Variants in TLR2 observed in about 807,000 individuals in gnomAD.
The protein encoded by TLR2 is toll like receptor 2.
In TLR2, 7 loss-of-function variants were observed where a neutral mutation model predicts 9.1. That is an observed-to-expected ratio of 0.77 (90% CI 0.44 to 1.44). TLR2 has a LOEUF of 1.44. TLR2 is among the 40% of genes most tolerant of loss of function. The probability of loss-of-function intolerance (pLI) is 0.01; values close to 1 mark genes in which losing one functional copy is unlikely to be tolerated. For missense variants in TLR2, 812 were observed against 904.6 expected, an observed-to-expected ratio of 0.90 and a Z score of 1.31; for synonymous variants, 317 against 344.6, an observed-to-expected ratio of 0.92 and a Z score of 0.89.
chr4:153,700,004 T>C (rs1736773715), intron 2 of TLR2, among the ~76,000 whole-genome samples: 1 of 152,144 alleles, frequency 6.6e-6, no homozygotes. Context: ...GGCACTAGCA[T>C]CTGTTTGACC....
downstream of TLR2, among the ~76,000 whole-genome samples, chr4:153,709,487 C>T (rs1199770496): frequency 1.3e-5 from 2 of 152,118 alleles, no homozygotes; most frequent in African/African-American, 2.4e-5. Context: ...AATTTTGTTC[C>T]CTTCTGCCAG....
chr4:153,692,471 A>C (rs1036806266), intron 2 of TLR2, among the ~76,000 whole-genome samples: 2 of 152,200 alleles, frequency 1.3e-5, no homozygotes, highest in African/African-American at 4.8e-5. Flanking sequence ...AAATTGGCTT[A>C]TCTGTTAACC....
downstream of TLR2, among the ~76,000 whole-genome samples, chr4:153,707,700 C>T (rs951204331): frequency 2.6e-5 from 4 of 152,158 alleles, no homozygotes; most frequent in Admixed American, 2.0e-4. Flanking sequence ...AACATTGACT[C>T]GATCTATGTT....
chr4:153,707,226 A>G (rs1377546251), downstream of TLR2, among the ~76,000 whole-genome samples: 1 of 152,142 alleles, frequency 6.6e-6, no homozygotes, highest in African/African-American at 2.4e-5. Flanking sequence ...GCTGTTTCAC[A>G]CGACCTCCCA....
intron 1 of TLR2, among the ~76,000 whole-genome samples, chr4:153,686,539 T>C (rs1260971860): frequency 6.6e-6 from 1 of 152,058 alleles, no homozygotes; most frequent in Non-Finnish European, 1.5e-5. Flanking sequence ...CAACCATTTA[T>C]CAAAAGAAAG....
At chr4:153,699,652 A>G (rs910994727) in intron 2 of TLR2, among the ~76,000 whole-genome samples, 8 of 152,192 alleles carry the variant, frequency 5.3e-5, no homozygotes, top group Non-Finnish European at 1.0e-4. Flanking sequence ...CACTGTGTAT[A>G]ATAGCTAATA....
Position 153,703,968 on chromosome 4 carries a change from T to A in TLR2, c.1061T>A (p.Leu354Ter), listed in dbSNP as rs768396504. The change falls in exon 3 of 3, where the codon TTA becomes TAA. Residue 354 changes from leucine (L) to a stop codon, truncating the protein, a stop_gained. Coordinates refer to ENST00000642700, the MANE Select transcript of TLR2 (RefSeq NM_001318789.2). LOFTEE classifies it low-confidence loss of function (END_TRUNC). ...ENSKVFLVPC[L>*]LSQHLKSLEY... is the part of the protein sequence containing the mutation. ...AGTAAAGTTTTTCTGGTTCCTTGTT[T>A]ACTTTCACAACATTTAAAATCATTA... The A allele has an allele frequency of 1.9e-6, 3 of 1,611,788 alleles. No homozygotes were observed. In the South Asian group the frequency reaches 3.3e-5, roughly 18 times the overall value.
In TLR2 at chr4:153,705,203, A is replaced by G. The variant is rs182578104; in HGVS notation, c.2296A>G (p.Met766Val). The change falls in exon 3 of 3, where the codon ATG becomes GTG. Residue 766 changes from methionine (M) to valine (V), a missense_variant. Coordinates refer to ENST00000642700, the MANE Select transcript of TLR2 (RefSeq NM_001318789.2). ...MNTKTYLEWP[M>V]DEAQREGFWV... ...CACCAAGACCTACCTGGAGTGGCCC[A>G]TGGACGAGGCTCAGCGGGAAGGATT... 8.7e-5 allele frequency: 141 copies of G among 1,611,610 alleles called. No individual in the cohort carries two copies. The African/African-American group carries it at 1.6e-3, about 18-fold the overall frequency.
At position 153,703,513 on chromosome 4, in the gene TLR2, T is replaced by C; in HGVS notation, c.606T>C (p.His202=). Residue 202 remains histidine, a synonymous_variant, in exon 3 of 3, where the codon CAT becomes CAC. Transcript: ENST00000642700. ...TGAAGTCAATTCAGAATGTAAGTCA[T>C]CTGATCCTTCATATGAAGCAGCATA... ...KSLKSIQNVS[H]LILHMKQHIL... 6.2e-7 allele frequency: 1 copy of C among 1,613,962 alleles called. No individual in the cohort carries two copies. Among genetic ancestry groups the C allele is most frequent in the Middle Eastern group, 1.6e-4 (1 of 6,062 alleles).
intron 2 of TLR2, among the ~76,000 whole-genome samples, chr4:153,700,344 A>G (rs1044715683): frequency 3.3e-5 from 5 of 152,222 alleles, no homozygotes; most frequent in African/African-American, 9.6e-5. Context: ...ATGTTTTTAA[A>G]GTATCGAATA....
At chr4:153,702,761 TTTGTG>T (rs1736989903) in intron 2 of TLR2, 126 bp from the exon 3 acceptor site, 231 of 537,486 alleles carry the variant, frequency 4.3e-4, no homozygotes, top group East Asian at 5.5e-4. Flanking sequence ...TCTCTCTCTC[TTTGTG>T]TGTGTGTGTG....
intron 1 of TLR2, among the ~76,000 whole-genome samples, chr4:153,685,189 G>A (rs72731633): frequency 0.089 from 13,521 of 152,290 alleles, 788 homozygotes; most frequent in Non-Finnish European, 0.12. Context: ...AACTTACAGC[G>A]TTTAAGCAAA....
At position 153,702,876 on chromosome 4, in the gene TLR2, C is replaced by A. The variant is rs757238850; in HGVS notation, c.-16-16C>A. On this transcript the variant is annotated splice_polypyrimidine_tract_variant and intron_variant, in intron 2 of 2. Coordinates refer to ENST00000642700, the MANE Select transcript of TLR2 (RefSeq NM_001318789.2). ...TGTCAAACACAATGACTTATTTGAACCTCTTTTATTTGTAGGTTGAAGCAC... is the reference window on the plus strand; with the variant it reads ...TGTCAAACACAATGACTTATTTGAAACTCTTTTATTTGTAGGTTGAAGCAC... 8.7e-6 allele frequency: 13 copies of A among 1,499,294 alleles called. No homozygotes were observed. 92.9% of individuals were successfully genotyped at this position (1,499,294 alleles called of 1,614,324 possible). A position where few individuals can be genotyped will look rare whatever the true frequency, so the allele number is the denominator to read the frequency against.
In TLR2 at chr4:153,703,137, A is replaced by C. The variant is rs1262735316; in HGVS notation, c.230A>C (p.Asn77Thr). Residue 77 changes from asparagine (N) to threonine (T), a missense_variant, in exon 3 of 3, where the codon AAC becomes ACC. Asn to Thr is a moderately conservative substitution (Grantham distance 65). Coordinates refer to ENST00000642700, the MANE Select transcript of TLR2 (RefSeq NM_001318789.2). ...ISNSDLQRCV[N>T]LQALVLTSNG... is the part of the protein sequence containing the mutation. ...AACAGTGACCTACAGAGGTGTGTGAACCTCCAGGCTCTGGTGCTGACATCC... is the reference window on the plus strand; with the variant it reads ...AACAGTGACCTACAGAGGTGTGTGACCCTCCAGGCTCTGGTGCTGACATCC... 2.5e-6 allele frequency: 4 copies of C among 1,613,912 alleles called. No homozygotes were observed. Among genetic ancestry groups the C allele is most frequent in the Non-Finnish European group, 3.4e-6 (4 of 1,180,004 alleles).
At chr4:153,686,685 T>A (rs972574401) in intron 1 of TLR2, among the ~76,000 whole-genome samples, 1 of 151,976 alleles carries the variant, frequency 6.6e-6, no homozygotes, top group African/African-American at 2.4e-5. Context: ...ATAACAACAT[T>A]AAGAAACTAG....
At chr4:153,685,916 A>G (rs1735669923) in intron 1 of TLR2, among the ~76,000 whole-genome samples, 1 of 152,200 alleles carries the variant, frequency 6.6e-6, no homozygotes, top group Admixed American at 6.5e-5. Context: ...AAGAACAGAA[A>G]TTTATCCATT....
At position 153,704,246 on chromosome 4, in the gene TLR2, C is replaced by A. The variant is rs62323857; in HGVS notation, c.1339C>A (p.Arg447=). 12 of 1,614,100 alleles carry A rather than the reference C, an allele frequency of 7.4e-6. No homozygotes were observed. The highest frequency in any genetic ancestry group is 1.0e-5 in the Non-Finnish European group (12 of 1,180,018). Reference sequence around the variant, plus strand: ...GAAATATTTGAACTTATCCAGCACACGAATACACAGTGTAACAGGCTGCAT... The same window carrying A: ...GAAATATTTGAACTTATCCAGCACAAGAATACACAGTGTAACAGGCTGCAT... The part of the protein sequence containing the change: ...KMKYLNLSST[R]IHSVTGCIPK... Residue 447 remains arginine (R), a synonymous_variant, in exon 3 of 3, where the codon CGA becomes AGA. Transcript: ENST00000642700.
In TLR2 at chr4:153,705,248, G is replaced by T; in HGVS notation, c.2341G>T (p.Ala781Ser). The change falls in exon 3 of 3, where the codon GCG (alanine) becomes TCG (serine). Residue 781 changes from alanine (A) to serine (S), a missense_variant. Transcript: ENST00000642700. ...REGFWVNLRA[A>S]IKS The stretch of plus-strand genomic sequence containing the variant: ...AGGATTTTGGGTAAATCTGAGAGCT[G>T]CGATAAAGTCCTAGGTTCCCATATT... 1.3e-6 allele frequency: 2 copies of T among 1,585,542 alleles called. No homozygotes were observed. Among genetic ancestry groups the T allele is most frequent in the Non-Finnish European group, 1.7e-6 (2 of 1,164,222 alleles).
At chr4:153,708,946 G>C (rs745600653), downstream of TLR2, among the ~76,000 whole-genome samples, 5 of 152,138 alleles carry the variant, frequency 3.3e-5, no homozygotes, top group Non-Finnish European at 7.3e-5. Flanking sequence ...ACAGAGATGA[G>C]AGGAGTTTCT....
Sources: allele counts gnomAD v4.1 joint callset (sites outside exome capture counted in the v4.1 genomes callset), GRCh38; gene constraint gnomAD v4.1.1; transcripts MANE v1.5; gene names NCBI Gene and HGNC (gene_info 2026-07-23, HGNC 2026-07-21).